The following WASF3 variants were observed in gnomAD, a reference collection of about 807,000 sequenced individuals.
WASF3 encodes WASP family member 3, also known as actin-binding protein WASF3.
WASF3 carries 11 observed loss-of-function variants against 46.6 expected under a neutral mutation model. That is an observed-to-expected ratio of 0.24 (90% CI 0.15 to 0.39). The LOEUF (loss-of-function observed/expected upper bound fraction) is 0.39, where lower values mean the gene tolerates loss of function less well. WASF3 is among the 10% of genes least tolerant of loss of function. WASF3 has a pLI of 1.00. For synonymous variants in WASF3, 242 were observed against 259.7 expected (o/e 0.93, Z 0.65); for missense variants, 576 against 669.8 (o/e 0.86, Z 1.55).
chr13:26,688,843 C>A lies in WASF3; in HGVS notation c.*2998C>A, dbSNP rs1165260997. The A allele has an allele frequency of 6.6e-6, 1 of 152,046 alleles. No individual in the cohort carries two copies. Among genetic ancestry groups the A allele is most frequent in the Non-Finnish European group, 1.5e-5 (1 of 68,014 alleles). 9.4% of individuals were successfully genotyped at this position (152,046 alleles called of 1,614,324 possible). On this transcript the variant is annotated 3_prime_UTR_variant, in exon 10 of 10. Coordinates refer to ENST00000335327, the MANE Select transcript of WASF3 (RefSeq NM_006646.6). ...GAATTTAAAGTGGTATTAAAAAAAA[C>A]TGTTAAACAATTTTTATCTGTTTGT...
chr13:26,654,522 A>G (rs923246610), intron 3 of WASF3, among the ~76,000 whole-genome samples: 4 of 152,246 alleles, frequency 2.6e-5, no homozygotes, highest in African/African-American at 9.6e-5. Context: ...GGCTGTGTCC[A>G]CAAGTATATT....
chr13:26,626,733 T>C (rs1298620901), intron 2 of WASF3, among the ~76,000 whole-genome samples: 3 of 152,282 alleles, frequency 2.0e-5, no homozygotes, highest in African/African-American at 7.2e-5. Flanking sequence ...TATATCAAAG[T>C]AGACTTTGGA....
the WASF3 span, among the ~76,000 whole-genome samples, chr13:26,549,528 A>G: frequency 1.3e-5 from 2 of 152,120 alleles, no homozygotes; most frequent in African/African-American, 4.8e-5. Flanking sequence ...AGTAAAACAC[A>G]ACAGTCCTTT....
At chr13:26,578,813 G>A (rs1320037012) in intron 1 of WASF3, among the ~76,000 whole-genome samples, 2 of 151,816 alleles carry the variant, frequency 1.3e-5, no homozygotes, top group African/African-American at 2.4e-5. Context: ...CACACATACT[G>A]TATTGTTCTT....
chr13:26,552,933 T>A (rs1879001435), upstream of WASF3, among the ~76,000 whole-genome samples: 1 of 152,234 alleles, frequency 6.6e-6, no homozygotes, highest in African/African-American at 2.4e-5. Flanking sequence ...CACTGTGTCA[T>A]CACTATCAGA....
At chr13:26,638,250 C>G (rs1881890519) in intron 2 of WASF3, 1 of 152,176 alleles carries the variant, frequency 6.6e-6, no homozygotes, top group South Asian at 2.1e-4. Context: ...AAGACAGCAG[C>G]CAGACCAAGC....
chr13:26,561,110 GGGA>G (rs547202925), intron 1 of WASF3, among the ~76,000 whole-genome samples: 59 of 152,270 alleles, frequency 3.9e-4, no homozygotes, highest in Admixed American at 7.2e-4. Context: ...CAAGAAGTGA[GGGA>G]GGAGAAGTAA....
chr13:26,645,228 G>A (rs372433668), intron 3 of WASF3, among the ~76,000 whole-genome samples: 1 of 152,090 alleles, frequency 6.6e-6, no homozygotes, highest in Non-Finnish European at 1.5e-5. Flanking sequence ...TTATTAAAAA[G>A]GCCTGAGAGA....
intron 9 of WASF3, among the ~76,000 whole-genome samples, chr13:26,684,350 A>C (rs927008447): frequency 1.3e-5 from 2 of 152,074 alleles, no homozygotes; most frequent in African/African-American, 4.8e-5. Context: ...TCGAGGAAAC[A>C]TCTGATACAC....
intron 1 of WASF3, among the ~76,000 whole-genome samples, chr13:26,584,226 G>T (rs1234875318): frequency 6.6e-6 from 1 of 152,152 alleles, no homozygotes; most frequent in East Asian, 1.9e-4. Flanking sequence ...TCCTTTTCTT[G>T]GTGCTTTTGC....
intron 1 of WASF3, among the ~76,000 whole-genome samples, chr13:26,584,032 G>A (rs532755723): frequency 1.3e-5 from 2 of 152,308 alleles, no homozygotes; most frequent in East Asian, 3.9e-4. Flanking sequence ...TAACTTCTAA[G>A]TGGTACCTCC....
At chr13:26,575,346 G>A (rs1312037548) in intron 1 of WASF3, among the ~76,000 whole-genome samples, 2 of 150,424 alleles carry the variant, frequency 1.3e-5, no homozygotes, top group Non-Finnish European at 3.0e-5. Context: ...TTTCTGTCTT[G>A]TTTTTATTCT....
At chr13:26,542,215 G>C in the WASF3 span, among the ~76,000 whole-genome samples, 87 of 152,306 alleles carry the variant, frequency 5.7e-4, no homozygotes, top group Middle Eastern at 3.4e-3. Flanking sequence ...ACAAGTAAAG[G>C]CTCAGCATGG....
intron 5 of WASF3, among the ~76,000 whole-genome samples, chr13:26,670,730 T>A (rs1222438641): frequency 6.6e-6 from 1 of 152,202 alleles, no homozygotes; most frequent in African/African-American, 2.4e-5. Flanking sequence ...ATCATGCAGG[T>A]TGCCTATCAA....
intron 1 of WASF3, among the ~76,000 whole-genome samples, chr13:26,596,453 C>CAT (rs1200943010): frequency 6.6e-6 from 1 of 151,984 alleles, no homozygotes; most frequent in East Asian, 1.9e-4. Flanking sequence ...GTCAGTTCAT[C>CAT]ATATTCTGAC....
At chr13:26,608,076 G>A (rs1249385903) in intron 1 of WASF3, among the ~76,000 whole-genome samples, 2 of 125,406 alleles carry the variant, frequency 1.6e-5, no homozygotes, top group East Asian at 4.9e-4. Context: ...TTGAACAGTA[G>A]TAAATGCTTG....
intron 1 of WASF3, among the ~76,000 whole-genome samples, chr13:26,611,086 G>A (rs1880964274): frequency 7.4e-6 from 1 of 136,030 alleles, no homozygotes; most frequent in African/African-American, 2.8e-5. Flanking sequence ...TGCCCAAGCT[G>A]GTCTCAAACT....
chr13:26,581,410 A>G (rs1836237322), intron 1 of WASF3, among the ~76,000 whole-genome samples: 1 of 152,156 alleles, frequency 6.6e-6, no homozygotes, highest in African/African-American at 2.4e-5. Flanking sequence ...TTTCTGAAGT[A>G]GTAATCTGAG....
At chr13:26,635,239 T>C (rs1032450171) in intron 2 of WASF3, among the ~76,000 whole-genome samples, 4 of 152,368 alleles carry the variant, frequency 2.6e-5, no homozygotes, top group Admixed American at 2.0e-4. Context: ...ATTATTTTGA[T>C]CTTCAATCAC....
Sources: allele counts gnomAD v4.1 joint callset (sites outside exome capture counted in the v4.1 genomes callset), GRCh38; gene constraint gnomAD v4.1.1; transcripts MANE v1.5; gene names NCBI Gene and HGNC (gene_info 2026-07-23, HGNC 2026-07-21).